ZBTB44: variants seen among roughly 807,000 people sequenced by gnomAD.
ZBTB44 encodes the protein zinc finger and BTB domain-containing protein 44.
A neutral mutation model predicts 54.0 loss-of-function variants in ZBTB44; 15 were observed. The ratio of observed to expected loss-of-function variants is 0.28; its 90% CI spans 0.19 to 0.43. ZBTB44 has a LOEUF of 0.43. ZBTB44 is among the 20% of genes least tolerant of loss of function. ZBTB44 has a pLI of 1.00. For missense variants in ZBTB44, 487 were observed against 707.1 expected, an observed-to-expected ratio of 0.69 and a Z score of 3.53; for synonymous variants, 230 against 250.1, an observed-to-expected ratio of 0.92 and a Z score of 0.76.
chr11:130,245,996 G>A (rs887826155), intron 2 of ZBTB44, among the ~76,000 whole-genome samples: 1 of 152,138 alleles, frequency 6.6e-6, no homozygotes, highest in Non-Finnish European at 1.5e-5. Flanking sequence ...AGCATGCAAA[G>A]CAAAGCAAAA....
chr11:130,311,879 A>G (rs1487714613), intron 1 of ZBTB44, among the ~76,000 whole-genome samples: 1 of 152,184 alleles, frequency 6.6e-6, no homozygotes. Context: ...GTCAAGACAC[A>G]CAATAGTCAG....
Position 130,295,829 on chromosome 11 carries a change from G to A in ZBTB44, c.-57+18546C>T, listed in dbSNP as rs771574307. 2.7e-4 allele frequency: 367 copies of A among 1,378,278 alleles called. 1 individual carries two copies. Among genetic ancestry groups the A allele is most frequent in the Admixed American group, 3.0e-4 (18 of 59,418 alleles). 85.4% of individuals were successfully genotyped at this position (1,378,278 alleles called of 1,614,324 possible). ...GGAGTCCTTGTTCTCTCACCTACTA[G>A]AGAATTAGCCATGCAAATTTTTGGT... On this transcript the variant is annotated intron_variant, in intron 1 of 7. Coordinates refer to ENST00000357899, the MANE Select transcript of ZBTB44 (RefSeq NM_001301098.2).
At chr11:130,239,945 C>T in intron 2 of ZBTB44, 49 bp from the exon 3 acceptor site, 1 of 1,374,968 alleles carries the variant, frequency 7.3e-7, no homozygotes, top group Non-Finnish European at 1.0e-6. Context: ...TGTGAATAAG[C>T]CAAGATTGTA....
At chr11:130,302,184 T>C (rs1942024415) in intron 1 of ZBTB44, among the ~76,000 whole-genome samples, 1 of 152,180 alleles carries the variant, frequency 6.6e-6, no homozygotes, top group South Asian at 2.1e-4. Flanking sequence ...ACTTTTGTGA[T>C]AGCTATCACC....
At chr11:130,242,555 T>C (rs558588545) in intron 2 of ZBTB44, among the ~76,000 whole-genome samples, 1 of 152,000 alleles carries the variant, frequency 6.6e-6, no homozygotes, top group Non-Finnish European at 1.5e-5. Context: ...TTTTCAAATA[T>C]AAATATTTCA....
chr11:130,267,820 T>C (rs900333727), intron 1 of ZBTB44, among the ~76,000 whole-genome samples: 3 of 151,864 alleles, frequency 2.0e-5, no homozygotes, highest in Non-Finnish European at 4.4e-5. Context: ...TCCCAGCACT[T>C]TGGCACTTTG....
At chr11:130,310,347 GC>G (rs1942516637) in intron 1 of ZBTB44, 1 of 152,138 alleles carries the variant, frequency 6.6e-6, no homozygotes, top group Non-Finnish European at 1.5e-5. Context: ...CCACCAGGTT[GC>G]CTAATGAGAG....
intron 1 of ZBTB44, among the ~76,000 whole-genome samples, chr11:130,301,928 A>C (rs1022280882): frequency 4.6e-5 from 7 of 151,646 alleles, no homozygotes; most frequent in Admixed American, 4.6e-4. Context: ...CTGTAGTCCC[A>C]GTCACTCAGG....
At chr11:130,298,966 C>T (rs1941839483) in intron 1 of ZBTB44, among the ~76,000 whole-genome samples, 1 of 151,934 alleles carries the variant, frequency 6.6e-6, no homozygotes, top group Admixed American at 6.6e-5. Flanking sequence ...ACCTATAGTG[C>T]CAGCTACTTG....
chr11:130,227,208 A>AT lies in ZBTB44; in HGVS notation c.*4555dup, dbSNP rs1953725375. 3 of 152,290 alleles carry AT rather than the reference A, an allele frequency of 2.0e-5. No homozygotes were observed. The South Asian group carries it at 6.2e-4, about 32-fold the overall frequency. 9.4% of individuals were successfully genotyped at this position (152,290 alleles called of 1,614,324 possible). A position where few individuals can be genotyped will look rare whatever the true frequency, so the allele number is the denominator to read the frequency against. ...AATGTGAAGTTCTGATATTGTATAC[A>AT]TTTTTTGGAAATAAAACAAAATCCA... On this transcript the variant is annotated 3_prime_UTR_variant, in exon 8 of 8. Transcript: ENST00000357899.
chr11:130,284,141 GGCAA>G (rs1169077642), intron 1 of ZBTB44, among the ~76,000 whole-genome samples: 1 of 151,808 alleles, frequency 6.6e-6, no homozygotes, highest in Non-Finnish European at 1.5e-5. Context: ...ATACAAAAAA[GGCAA>G]GCAAGCAAAC....
At chr11:130,263,240 G>A (rs1464619494) in intron 1 of ZBTB44, among the ~76,000 whole-genome samples, 1 of 152,168 alleles carries the variant, frequency 6.6e-6, no homozygotes, top group Non-Finnish European at 1.5e-5. Context: ...TGTAAACTGA[G>A]TGCTCCACAT....
intron 2 of ZBTB44, among the ~76,000 whole-genome samples, chr11:130,254,938 G>A (rs1317895414): frequency 1.3e-5 from 2 of 152,038 alleles, no homozygotes; most frequent in East Asian, 1.9e-4. Context: ...CATGGATGAA[G>A]CTGGAAACCA....
Position 130,314,886 on chromosome 11 carries a change from T to A in ZBTB44, c.-568A>T, listed in dbSNP as rs1353725602. 8.7e-5 allele frequency: 13 copies of A among 149,948 alleles called. No individual in the cohort carries two copies. The highest frequency in any genetic ancestry group is 3.2e-4 in the African/African-American group (13 of 40,642). 9.3% of individuals were successfully genotyped at this position (149,948 alleles called of 1,614,324 possible). The stretch of plus-strand genomic sequence containing the variant: ...CGTTGCCGCTCCGCTCACTCCAGCC[T>A]GTTTGGGGGCACTTTGTTTGTGTCC... On this transcript the variant is annotated 5_prime_UTR_variant, in exon 1 of 8. Coordinates refer to ENST00000357899, the MANE Select transcript of ZBTB44 (RefSeq NM_001301098.2).
At chr11:130,272,186 C>G (rs1939722204) in intron 1 of ZBTB44, among the ~76,000 whole-genome samples, 1 of 151,842 alleles carries the variant, frequency 6.6e-6, no homozygotes, top group African/African-American at 2.4e-5. Context: ...GAGCCAAGAT[C>G]ACGCCACTGT....
intron 7 of ZBTB44, chr11:130,232,110 GAATTT>G (rs1565639702): frequency 3.3e-5 from 5 of 152,222 alleles, no homozygotes; most frequent in African/African-American, 4.8e-5. Flanking sequence ...CAGTTCTAAG[GAATTT>G]AATTTACTTT....
At chr11:130,259,377 T>C (rs1418906308) in intron 2 of ZBTB44, among the ~76,000 whole-genome samples, 1 of 152,204 alleles carries the variant, frequency 6.6e-6, no homozygotes, top group African/African-American at 2.4e-5. Context: ...AGTTCAACCA[T>C]TGTGGAAGAC....
chr11:130,233,976 A>G (rs1299019212), intron 6 of ZBTB44, 180 bp downstream of exon 6: 1 of 1,435,598 alleles, frequency 7.0e-7, no homozygotes, highest in East Asian at 2.9e-5. Context: ...ACAAAACTGA[A>G]GCCAAATCAC....
intron 5 of ZBTB44, chr11:130,236,218 T>G: frequency 7.8e-7 from 1 of 1,283,314 alleles, no homozygotes; most frequent in Non-Finnish European, 1.0e-6. Context: ...TGGGATGCCC[T>G]ATAAATCAGA....
Sources: allele counts gnomAD v4.1 joint callset (sites outside exome capture counted in the v4.1 genomes callset), GRCh38; gene constraint gnomAD v4.1.1; transcripts MANE v1.5; gene names NCBI Gene and HGNC (gene_info 2026-07-23, HGNC 2026-07-21).